TSPAN2: variants seen among roughly 807,000 people sequenced by gnomAD.
TSPAN2 encodes tetraspanin 2.
A neutral mutation model predicts 33.3 loss-of-function variants in TSPAN2; 24 were observed. The observed-to-expected ratio is 0.72, with a 90% CI of 0.52 to 1.01. TSPAN2 has a LOEUF of 1.01. Ranked by LOEUF, TSPAN2 falls within the 50% of genes least tolerant of loss-of-function variation. TSPAN2 has a pLI of 0.00. For missense variants in TSPAN2, 278 were observed against 281.3 expected, an observed-to-expected ratio of 0.99 and a Z score of 0.08; for synonymous variants, 114 against 104.5, an observed-to-expected ratio of 1.09 and a Z score of -0.56.
chr1:115,085,095 T>C (rs576471327), intron 1 of TSPAN2, among the ~76,000 whole-genome samples: 3 of 152,260 alleles, frequency 2.0e-5, no homozygotes, highest in African/African-American at 7.2e-5. Context: ...GGGTGTAGTG[T>C]TTTATTTATA....
At chr1:115,054,639 ACT>A (rs1040935431) in intron 6 of TSPAN2, among the ~76,000 whole-genome samples, 1 of 151,468 alleles carries the variant, frequency 6.6e-6, no homozygotes, top group African/African-American at 2.4e-5. Context: ...TAGCAAGCAC[ACT>A]CCTGACTCCT....
At chr1:115,073,292 G>T (rs1291132962) in intron 1 of TSPAN2, among the ~76,000 whole-genome samples, 4 of 152,216 alleles carry the variant, frequency 2.6e-5, no homozygotes, top group African/African-American at 9.6e-5. Flanking sequence ...ACACAGCACA[G>T]CCAGGGAGGT....
At chr1:115,087,539 CT>C (rs1648886271) in intron 1 of TSPAN2, among the ~76,000 whole-genome samples, 1 of 145,204 alleles carries the variant, frequency 6.9e-6, no homozygotes, top group Admixed American at 7.1e-5. Flanking sequence ...TGGCGTGCAT[CT>C]GGGAGGTGGA....
At chr1:115,062,406 T>G (rs549784485) in intron 2 of TSPAN2, among the ~76,000 whole-genome samples, 174 bp from the exon 3 acceptor site, 4 of 152,274 alleles carry the variant, frequency 2.6e-5, no homozygotes, top group African/African-American at 9.6e-5. Flanking sequence ...AGCGATTTGC[T>G]TAAGGTCATA....
intron 6 of TSPAN2, among the ~76,000 whole-genome samples, chr1:115,055,878 G>A (rs904684346): frequency 3.9e-5 from 6 of 152,078 alleles, no homozygotes; most frequent in African/African-American, 1.4e-4. Context: ...ATCCCCTATT[G>A]CCACATATTA....
chr1:115,053,571 GC>G, intron 6 of TSPAN2, 109 bp from the exon 7 acceptor site: 1 of 888,494 alleles, frequency 1.1e-6, no homozygotes, highest in Non-Finnish European at 1.8e-6. Flanking sequence ...GTTAATCCAT[GC>G]CAGCTTCTAC....
chr1:115,048,519 C>A lies in TSPAN2; in HGVS notation c.*1971G>T, dbSNP rs1026730273. 1.3e-5 allele frequency: 2 copies of A among 151,870 alleles called. No individual in the cohort carries two copies. Among genetic ancestry groups the A allele is most frequent in the Non-Finnish European group, 2.9e-5 (2 of 67,896 alleles). The allele number at this position is 151,870 out of a possible 1,614,324, so 9.4% of individuals were successfully genotyped here. Reference sequence around the variant, plus strand: ...AATTTCATTTTAAATTTATTTATTTCTATTCTTCCACTTTTAACTATTATA... The same window carrying A: ...AATTTCATTTTAAATTTATTTATTTATATTCTTCCACTTTTAACTATTATA... On this transcript the variant is annotated 3_prime_UTR_variant, in exon 8 of 8. Transcript: ENST00000369516.
intron 2 of TSPAN2, among the ~76,000 whole-genome samples, chr1:115,068,658 A>G (rs1209982612): frequency 6.6e-6 from 1 of 152,192 alleles, no homozygotes; most frequent in Non-Finnish European, 1.5e-5. Flanking sequence ...CTAAAGTGCT[A>G]TCACCTCATA....
chr1:115,050,401 T>A lies in TSPAN2; in HGVS notation c.*89A>T. ...CAGCAAATTATTTTAGATCCTAATG[T>A]CATTTCAGTGTTAAAAATGAGCTGG... On this transcript the variant is annotated 3_prime_UTR_variant, in exon 8 of 8. Transcript: ENST00000369516. 8.7e-7 allele frequency: 1 copy of A among 1,147,854 alleles called. No homozygotes were observed. The highest frequency in any genetic ancestry group is 1.3e-6 in the Non-Finnish European group (1 of 758,352). 71.1% of individuals were successfully genotyped at this position (1,147,854 alleles called of 1,614,324 possible). A position where few individuals can be genotyped will look rare whatever the true frequency, so the allele number is the denominator to read the frequency against.
At chr1:115,074,894 G>A (rs554216157) in intron 1 of TSPAN2, among the ~76,000 whole-genome samples, 2 of 152,118 alleles carry the variant, frequency 1.3e-5, no homozygotes, top group South Asian at 4.2e-4. Flanking sequence ...GCATCTGGAG[G>A]CTGCCTGGGA....
chr1:115,064,948 C>A (rs1647886686), intron 2 of TSPAN2, among the ~76,000 whole-genome samples: 1 of 152,204 alleles, frequency 6.6e-6, no homozygotes, highest in South Asian at 2.1e-4. Flanking sequence ...AGGCAACAAT[C>A]CTTATCCTTC....
chr1:115,057,748 G>T, intron 5 of TSPAN2, 140 bp from the exon 6 acceptor site: 1 of 727,932 alleles, frequency 1.4e-6, no homozygotes, highest in Non-Finnish European at 2.4e-6. Context: ...TGCTATTTCT[G>T]GAAGGAGAGT....
intron 1 of TSPAN2, among the ~76,000 whole-genome samples, chr1:115,085,201 G>A (rs1337428473): frequency 6.6e-6 from 1 of 152,244 alleles, no homozygotes; most frequent in Non-Finnish European, 1.5e-5. Context: ...AGACATGACA[G>A]ATGTTGGGAG....
intron 1 of TSPAN2, among the ~76,000 whole-genome samples, chr1:115,087,395 C>T (rs1358124866): frequency 6.6e-6 from 1 of 151,598 alleles, no homozygotes; most frequent in Non-Finnish European, 1.5e-5. Flanking sequence ...GCAGGCAGAT[C>T]ATGAGGTCAG....
rs766771134 is a variant in TSPAN2 at position 115,089,349 on chromosome 1, G to T, written c.69+15C>A. The T allele has an allele frequency of 1.3e-6, 2 of 1,500,180 alleles. No homozygotes were observed. Among genetic ancestry groups the T allele is most frequent in the African/African-American group, 1.4e-5 (1 of 72,064 alleles). 92.9% of individuals were successfully genotyped at this position (1,500,180 alleles called of 1,614,324 possible). ...GCCCCCTGCCCTGACCGGCCCTCCC[G>T]GCTCCTGGTCTCACCCAGAAGAGCA... On this transcript the variant is annotated intron_variant, in intron 1 of 7. Coordinates refer to ENST00000369516, the MANE Select transcript of TSPAN2 (RefSeq NM_005725.6).
intron 1 of TSPAN2, among the ~76,000 whole-genome samples, chr1:115,077,164 T>C (rs1286368): frequency 0.97 from 148,127 of 152,128 alleles, 72,140 homozygotes; most frequent in East Asian, 1. Context: ...AGTGATCTGC[T>C]CACCTCAGCC....
In TSPAN2 at chr1:115,060,519, A is replaced by G; in HGVS notation, c.290T>C (p.Val97Ala). Reference protein sequence around the residue: ...VLGSFFTCLLVIFAAEVTTGV... With the variant: ...VLGSFFTCLLAIFAAEVTTGV... ...AGTGGTTACTTCAGCAGCAAATATC[A>G]CCAGGAGGCAGGTAAAAAACTGTAG... The change falls in exon 4 of 8, where the codon GTG becomes GCG. Residue 97 changes from valine (V) to alanine (A), a missense_variant. By Grantham distance (64) the Val-to-Ala change is moderately conservative. Coordinates refer to ENST00000369516, the MANE Select transcript of TSPAN2 (RefSeq NM_005725.6). The G allele has an allele frequency of 6.2e-7, 1 of 1,613,140 alleles. No homozygotes were observed. The highest frequency in any genetic ancestry group is 8.5e-7 in the Non-Finnish European group (1 of 1,179,364).
intron 1 of TSPAN2, among the ~76,000 whole-genome samples, chr1:115,079,343 G>T (rs1465048708): frequency 6.6e-6 from 1 of 151,972 alleles, no homozygotes; most frequent in Non-Finnish European, 1.5e-5. Context: ...ACTTGCTCTT[G>T]GTGGCAATTC....
intron 1 of TSPAN2, among the ~76,000 whole-genome samples, chr1:115,084,814 A>C (rs1648770268): frequency 1.3e-5 from 2 of 152,210 alleles, no homozygotes; most frequent in Non-Finnish European, 2.9e-5. Context: ...CCAAGCCTGC[A>C]AGACACTGTC....
Sources: allele counts gnomAD v4.1 joint callset (sites outside exome capture counted in the v4.1 genomes callset), GRCh38; gene constraint gnomAD v4.1.1; transcripts MANE v1.5; gene names NCBI Gene and HGNC (gene_info 2026-07-23, HGNC 2026-07-21).